The following PAX3 variants were observed in gnomAD, a reference collection of about 807,000 sequenced individuals.
PAX3 encodes paired box protein Pax-3.
In PAX3, 14 loss-of-function variants were observed where a neutral mutation model predicts 51.6. The observed-to-expected ratio is 0.27, with a 90% CI of 0.18 to 0.42. The LOEUF (loss-of-function observed/expected upper bound fraction) is 0.42. Ranked by LOEUF, PAX3 falls within the 10% of genes least tolerant of loss-of-function variation. The probability of loss-of-function intolerance (pLI) is 1.00; values close to 1 mark genes in which losing one functional copy is unlikely to be tolerated. For missense variants in PAX3, 540 were observed against 642.8 expected (o/e 0.84, Z 1.73); for synonymous variants, 280 against 253.4 (o/e 1.11, Z -1.00).
At position 222,298,571 on chromosome 2, in the gene PAX3, G is replaced by A. The variant is rs750172163; in HGVS notation, c.45C>T (p.Gly15=). ...AGAVPRMMRP[G]PGQNYPRSGF... ...CGCTACGCGGGTAGTTCTGCCCCGGGCCCGGCCGCATCATCCTGGGCACAG... is the reference window on the plus strand; with the variant it reads ...CGCTACGCGGGTAGTTCTGCCCCGGACCCGGCCGCATCATCCTGGGCACAG... The change falls in exon 1 of 9, where the codon GGC becomes GGT. Residue 15 remains glycine, a synonymous_variant. Coordinates refer to ENST00000392070, the MANE Select transcript of PAX3 (RefSeq NM_181458.4). 77 of 1,608,056 alleles carry A rather than the reference G, an allele frequency of 4.8e-5. No homozygotes were observed. Among genetic ancestry groups the A allele is most frequent in the Non-Finnish European group, 6.2e-5 (73 of 1,177,782 alleles).
At chr2:222,263,645 G>A (rs1056063673) in intron 4 of PAX3, 2 of 152,150 alleles carry the variant, frequency 1.3e-5, no homozygotes, top group Non-Finnish European at 2.9e-5. Flanking sequence ...ATGAAAACTT[G>A]TGTTCACACA....
At position 222,296,997 on chromosome 2, in the gene PAX3, A is replaced by T; in HGVS notation, c.302T>A (p.Ile101Asn). Residue 101 changes from isoleucine to asparagine, a missense_variant, in exon 2 of 9, where the codon ATC (isoleucine) becomes AAC (asparagine). By Grantham distance (149) the Ile-to-Asn change is moderately radical. This residue lies in a region of PAX3 where 50 missense variants were observed against 109.3 expected (regional missense o/e 0.46). Coordinates refer to ENST00000392070, the MANE Select transcript of PAX3 (RefSeq NM_181458.4). ...QETGSIRPGA[I>N]GGSKPKQVTT... ...GCTCACCTTGGGCTTGCTGCCGCCG[A>T]TGGCACCAGGACGTATGGAGCCAGT... The T allele has an allele frequency of 6.2e-7, 1 of 1,613,458 alleles. No homozygotes were observed. The highest frequency in any genetic ancestry group is 8.5e-7 in the Non-Finnish European group (1 of 1,179,822).
At chr2:222,240,920 AAG>A (rs1692989869) in intron 4 of PAX3, among the ~76,000 whole-genome samples, 1 of 152,198 alleles carries the variant, frequency 6.6e-6, no homozygotes, top group African/African-American at 2.4e-5. Context: ...CAAAGAGAAA[AAG>A]AGAGGAAAGT....
At chr2:222,284,782 T>G (rs887983305) in intron 4 of PAX3, among the ~76,000 whole-genome samples, 1 of 152,254 alleles carries the variant, frequency 6.6e-6, no homozygotes, top group Non-Finnish European at 1.5e-5. Context: ...TGAGTTTTGC[T>G]GCTAGGTGTA....
intron 1 of PAX3, 21 bp downstream of exon 1, chr2:222,298,510 C>G: frequency 6.3e-7 from 1 of 1,577,124 alleles, no homozygotes; most frequent in Non-Finnish European, 8.6e-7. Flanking sequence ...ATCCAGGCGG[C>G]GCGCTGAGGC....
At chr2:222,235,206 C>CA (rs1692754664) in intron 4 of PAX3, among the ~76,000 whole-genome samples, 1 of 152,152 alleles carries the variant, frequency 6.6e-6, no homozygotes, top group Non-Finnish European at 1.5e-5. Flanking sequence ...TCCTGAGGGT[C>CA]AAGACCATGG....
chr2:222,216,591 C>T (rs758205483), intron 7 of PAX3, among the ~76,000 whole-genome samples: 1 of 152,196 alleles, frequency 6.6e-6, no homozygotes, highest in Non-Finnish European at 1.5e-5. Context: ...GAGGAAAGGA[C>T]TGAGGGCATC....
chr2:222,261,313 A>G (rs1299476394), intron 4 of PAX3, among the ~76,000 whole-genome samples: 1 of 152,220 alleles, frequency 6.6e-6, no homozygotes, highest in African/African-American at 2.4e-5. Flanking sequence ...CCTTAATTAT[A>G]TTTTAAGCTC....
At chr2:222,203,319 C>A (rs75568057) in intron 7 of PAX3, among the ~76,000 whole-genome samples, 1 of 151,454 alleles carries the variant, frequency 6.6e-6, no homozygotes, top group East Asian at 1.9e-4. Flanking sequence ...AACTATGTAC[C>A]CTTCTGTGGC....
At chr2:222,221,022 G>A (rs1692171408) in intron 6 of PAX3, among the ~76,000 whole-genome samples, 200 bp downstream of exon 6, 1 of 152,212 alleles carries the variant, frequency 6.6e-6, no homozygotes, top group South Asian at 2.1e-4. Flanking sequence ...TTATATTACA[G>A]CACAGTTTAT....
chr2:222,204,103 A>T (rs1036023036), intron 7 of PAX3, among the ~76,000 whole-genome samples: 2 of 152,300 alleles, frequency 1.3e-5, no homozygotes, highest in Middle Eastern at 3.4e-3. Context: ...TATATTTTTA[A>T]AAAAAACACA....
chr2:222,209,406 G>A (rs1477952328), intron 7 of PAX3, among the ~76,000 whole-genome samples: 1 of 152,130 alleles, frequency 6.6e-6, no homozygotes, highest in East Asian at 1.9e-4. Flanking sequence ...TGATTTACCT[G>A]TGATACTGAT....
Position 222,298,742 on chromosome 2 carries a change from G to C in PAX3, c.-127C>G. 1 of 911,548 alleles carries C rather than the reference G, an allele frequency of 1.1e-6. No individual in the cohort carries two copies. Among genetic ancestry groups the C allele is most frequent in the Non-Finnish European group, 1.7e-6 (1 of 576,750 alleles). 56.5% of individuals were successfully genotyped at this position (911,548 alleles called of 1,614,324 possible). A position where few individuals can be genotyped will look rare whatever the true frequency, so the allele number is the denominator to read the frequency against. ...CCCCTCCCCAAAACGGCTGGAGAGA[G>C]AGGGAGGGACGCGGGGAGGGGGGCT... On this transcript the variant is annotated 5_prime_UTR_variant, in exon 1 of 9. Transcript: ENST00000392070.
chr2:222,269,990 A>G (rs924615716), intron 4 of PAX3, among the ~76,000 whole-genome samples: 1 of 152,222 alleles, frequency 6.6e-6, no homozygotes, highest in East Asian at 1.9e-4. Flanking sequence ...ACACATTTAG[A>G]TAATATTTTT....
Position 222,201,300 on chromosome 2 carries a change from C to CCA in PAX3, c.*107_*108insTG. The CCA allele has an allele frequency of 6.2e-7, 1 of 1,610,490 alleles. No individual in the cohort carries two copies. Among genetic ancestry groups the CCA allele is most frequent in the East Asian group, 2.2e-5 (1 of 44,478 alleles). Reference sequence around the variant, plus strand: ...TCTCCTATTGGGACCACTGCCCCACCCCCCCCAACAAAAGGGTAATTTTTT... The same window carrying CCA: ...TCTCCTATTGGGACCACTGCCCCACCCACCCCCCAACAAAAGGGTAATTTTTT... On this transcript the variant is annotated 3_prime_UTR_variant, in exon 9 of 9. Transcript: ENST00000392070.
chr2:222,221,121 A>G (rs1692175396), intron 6 of PAX3, 101 bp downstream of exon 6: 7 of 1,109,256 alleles, frequency 6.3e-6, no homozygotes, highest in Non-Finnish European at 9.7e-6. Flanking sequence ...TACAATTAAC[A>G]ACATGGTGTC....
chr2:222,221,564 G>C, intron 5 of PAX3, 177 bp from the exon 6 acceptor site: 1 of 635,424 alleles, frequency 1.6e-6, no homozygotes, highest in South Asian at 1.8e-5. Flanking sequence ...AGAGTTTAGT[G>C]TCAAAGGTCA....
At chr2:222,234,902 T>C (rs1171365972) in intron 4 of PAX3, among the ~76,000 whole-genome samples, 1 of 152,234 alleles carries the variant, frequency 6.6e-6, no homozygotes, top group Non-Finnish European at 1.5e-5. Flanking sequence ...TTCCAGTTTC[T>C]AACCTTTCTT....
intron 5 of PAX3, among the ~76,000 whole-genome samples, chr2:222,225,911 A>T (rs747450700): frequency 4.8e-4 from 73 of 152,206 alleles, no homozygotes; most frequent in Middle Eastern, 6.3e-3. Context: ...AGTAAACAGG[A>T]AAGTGCCCAG....
Sources: allele counts gnomAD v4.1 joint callset (sites outside exome capture counted in the v4.1 genomes callset), GRCh38; gene constraint gnomAD v4.1.1; regional missense constraint gnomAD v4.1.1; transcripts MANE v1.5; gene names NCBI Gene and HGNC (gene_info 2026-07-23, HGNC 2026-07-21).